The following KIAA1217 variants were observed in gnomAD, a reference collection of about 807,000 sequenced individuals.
The protein encoded by KIAA1217 is KIAA1217.
A neutral mutation model predicts 163.9 loss-of-function variants in KIAA1217; 88 were observed. That is an observed-to-expected ratio of 0.54 (90% confidence interval 0.45 to 0.64). KIAA1217 has a LOEUF of 0.64. KIAA1217 is among the 30% of genes least tolerant of loss of function. The probability of loss-of-function intolerance (pLI) is 0.00; values close to 1 mark genes in which losing one functional copy is unlikely to be tolerated. For missense variants in KIAA1217, 2,372 were observed against 2,475.0 expected (o/e 0.96, Z 0.88); for synonymous variants, 903 against 923.1 (o/e 0.98, Z 0.39).
intron 2 of KIAA1217, among the ~76,000 whole-genome samples, chr10:24,064,802 A>T (rs1251007776): frequency 6.6e-6 from 1 of 152,166 alleles, no homozygotes; most frequent in Non-Finnish European, 1.5e-5. Context: ...GCTCTTAATT[A>T]TTGCCCCAAT....
At chr10:24,314,794 A>G (rs1461890363) in intron 2 of KIAA1217, among the ~76,000 whole-genome samples, 1 of 152,088 alleles carries the variant, frequency 6.6e-6, no homozygotes, top group East Asian at 1.9e-4. Flanking sequence ...TACAAAAAAA[A>G]TCAGCCGGGC....
At chr10:23,948,488 G>T (rs897838285) in intron 1 of KIAA1217, among the ~76,000 whole-genome samples, 1 of 152,148 alleles carries the variant, frequency 6.6e-6, no homozygotes, top group Admixed American at 6.5e-5. Context: ...AATGATGCTA[G>T]ATTTAGTGAG....
At chr10:24,389,839 T>C (rs1459899820) in intron 3 of KIAA1217, among the ~76,000 whole-genome samples, 1 of 152,294 alleles carries the variant, frequency 6.6e-6, no homozygotes, top group Non-Finnish European at 1.5e-5. Context: ...TTGTTTTTTT[T>C]CAGCATTATT....
chr10:24,010,785 G>T (rs1305351058), intron 2 of KIAA1217, among the ~76,000 whole-genome samples: 2 of 151,948 alleles, frequency 1.3e-5, no homozygotes, highest in Non-Finnish European at 2.9e-5. Flanking sequence ...GGGCCTGAAG[G>T]CTTTTCTGGC....
At chr10:23,963,643 G>A (rs1178857699) in intron 1 of KIAA1217, among the ~76,000 whole-genome samples, 1 of 152,146 alleles carries the variant, frequency 6.6e-6, no homozygotes, top group South Asian at 2.1e-4. Context: ...TAATGGGATT[G>A]CTGGGTCAAA....
intron 3 of KIAA1217, among the ~76,000 whole-genome samples, chr10:24,421,959 T>G (rs1400654689): frequency 6.6e-6 from 1 of 152,218 alleles, no homozygotes; most frequent in Non-Finnish European, 1.5e-5. Context: ...AAGACATACC[T>G]GAGACTGGGT....
chr10:24,254,835 G>A (rs534533299), intron 2 of KIAA1217, among the ~76,000 whole-genome samples: 6 of 151,860 alleles, frequency 4.0e-5, no homozygotes, highest in Admixed American at 3.3e-4. Flanking sequence ...AAATGTCTCC[G>A]TCCAACTCTG....
rs143082933 is a variant in KIAA1217, at chr10:24,519,265, A to C, written c.2178-858A>C. Among the ~76,000 whole-genome samples, 713 of 152,288 alleles carry C rather than the reference A, an allele frequency of 4.7e-3. 4 individuals carry two copies. The highest frequency in any genetic ancestry group is 0.016 in the African/African-American group (653 of 41,544). On this transcript the variant is annotated intron_variant, in intron 10 of 20. Transcript: ENST00000376454. ...TTTCTCCGTAGATTTATAGGTGTTT[A>C]GGATGGGGTTAGTAATGTGGCCAAG...
intron 6 of KIAA1217, among the ~76,000 whole-genome samples, chr10:24,486,108 C>T (rs1156235990): frequency 1.3e-5 from 2 of 152,190 alleles, no homozygotes; most frequent in Non-Finnish European, 2.9e-5. Flanking sequence ...TCACAGCTAC[C>T]CATTGGGCCA....
chr10:24,406,728 GC>G (rs2057261492), intron 3 of KIAA1217, among the ~76,000 whole-genome samples: 1 of 152,124 alleles, frequency 6.6e-6, no homozygotes, highest in South Asian at 2.1e-4. Context: ...GAAATGTGTT[GC>G]CTTCTGAAGT....
At chr10:24,066,843 T>G (rs564899413) in intron 2 of KIAA1217, among the ~76,000 whole-genome samples, 1 of 152,316 alleles carries the variant, frequency 6.6e-6, no homozygotes, top group East Asian at 1.9e-4. Context: ...TGTTCATTTC[T>G]TTTTATTCTT....
chr10:23,857,214 A>G (rs1358169119), intron 1 of KIAA1217, among the ~76,000 whole-genome samples: 1 of 152,176 alleles, frequency 6.6e-6, no homozygotes, highest in African/African-American at 2.4e-5. Context: ...TCCAAACCAT[A>G]TCACTCCCCA....
At chr10:24,151,470 A>G (rs958941753) in intron 2 of KIAA1217, among the ~76,000 whole-genome samples, 2 of 144,272 alleles carry the variant, frequency 1.4e-5, no homozygotes, top group Non-Finnish European at 3.0e-5. Flanking sequence ...TGCATCGGGC[A>G]TGGTTCAAGG....
At chr10:23,738,909 G>A (rs1838953455) in intron 1 of KIAA1217, among the ~76,000 whole-genome samples, 2 of 152,120 alleles carry the variant, frequency 1.3e-5, no homozygotes, top group South Asian at 4.1e-4. Flanking sequence ...TAAAACATTT[G>A]TACATCAGAT....
At chr10:23,742,544 A>T (rs561237683) in intron 1 of KIAA1217, among the ~76,000 whole-genome samples, 1 of 152,340 alleles carries the variant, frequency 6.6e-6, no homozygotes, top group Non-Finnish European at 1.5e-5. Context: ...AAGCAGGCAC[A>T]TCACATGGCG....
At chr10:24,343,242 A>G (rs1321268622) in intron 2 of KIAA1217, among the ~76,000 whole-genome samples, 1 of 152,244 alleles carries the variant, frequency 6.6e-6, no homozygotes, top group Non-Finnish European at 1.5e-5. Flanking sequence ...TTGGATATAT[A>G]TAATATTCTG....
chr10:24,005,507 G>A (rs1846952798), intron 1 of KIAA1217, among the ~76,000 whole-genome samples: 1 of 152,170 alleles, frequency 6.6e-6, no homozygotes, highest in Non-Finnish European at 1.5e-5. Flanking sequence ...TAAGTGGAAG[G>A]ATCCCAGACT....
intron 12 of KIAA1217, 48 bp from the exon 13 acceptor site, chr10:24,524,275 T>C (rs1299476974): frequency 4.5e-6 from 7 of 1,558,718 alleles, no homozygotes; most frequent in Non-Finnish European, 5.3e-6. Context: ...TATACCACCA[T>C]GAGAAAGTGA....
At chr10:24,354,182 A>G (rs1460570615) in intron 2 of KIAA1217, among the ~76,000 whole-genome samples, 1 of 152,220 alleles carries the variant, frequency 6.6e-6, no homozygotes, top group Non-Finnish European at 1.5e-5. Context: ...AAATGGTAGC[A>G]TTCTCTTATT....
Sources: allele counts gnomAD v4.1 joint callset (sites outside exome capture counted in the v4.1 genomes callset), GRCh38; gene constraint gnomAD v4.1.1; transcripts MANE v1.5; gene names NCBI Gene and HGNC (gene_info 2026-07-23, HGNC 2026-07-21).